TENM2: variants seen among roughly 807,000 people sequenced by gnomAD.
TENM2 encodes the protein teneurin transmembrane protein 2.
A neutral mutation model predicts 245.2 loss-of-function variants in TENM2; 52 were observed. The observed-to-expected ratio is 0.21, with a 90% CI of 0.17 to 0.27. The LOEUF (loss-of-function observed/expected upper bound fraction) is 0.27. Among genes scored for constraint, TENM2 ranks in the 10% least tolerant of loss-of-function variants. TENM2 has a pLI of 1.00. For synonymous variants in TENM2, 1,363 were observed against 1,438.9 expected (o/e 0.95, Z 1.19); for missense variants, 3,046 against 3,666.8 (o/e 0.83, Z 4.37).
intron 2 of TENM2, among the ~76,000 whole-genome samples, chr5:167,721,086 C>T (rs1759597152): frequency 6.6e-6 from 1 of 152,072 alleles, no homozygotes; most frequent in Non-Finnish European, 1.5e-5. Flanking sequence ...CTCTTTTGAT[C>T]CTACTTACTA....
chr5:167,894,967 AAGGAAG>A (rs1561906663), intron 3 of TENM2, among the ~76,000 whole-genome samples: 1 of 131,152 alleles, frequency 7.6e-6, no homozygotes, highest in Non-Finnish European at 1.6e-5. Flanking sequence ...GGAAGGAAGG[AAGGAAG>A]GAAGGAAGGA....
the TENM2 span, among the ~76,000 whole-genome samples, chr5:167,106,007 G>C: frequency 2.0e-5 from 3 of 147,624 alleles, no homozygotes; most frequent in African/African-American, 7.6e-5. Flanking sequence ...AAAATGATGT[G>C]AATCGACAGA....
Position 167,493,921 on chromosome 5 carries a change from G to A in TENM2, c.502+118448G>A, listed in dbSNP as rs549780068. On this transcript the variant is annotated intron_variant, in intron 2 of 28. Coordinates refer to ENST00000518659, the Ensembl canonical transcript of TENM2. ...AGAGTGGCATGGGTGTAGCATGTGC[G>A]GTCAGGACCCACCTGGCTAAGGGGA... 6.6e-5 allele frequency among the ~76,000 whole-genome samples: 10 copies of A among 152,128 alleles called. No homozygotes were observed. The East Asian group carries it at 7.7e-4, about 12-fold the overall frequency.
the TENM2 span, among the ~76,000 whole-genome samples, chr5:167,207,116 G>A: frequency 2.0e-5 from 3 of 151,992 alleles, no homozygotes; most frequent in African/African-American, 7.2e-5. Context: ...GTGAGTTTGA[G>A]TGATTTCCAA....
chr5:167,687,666 A>T (rs916497214), intron 2 of TENM2, among the ~76,000 whole-genome samples: 9 of 150,628 alleles, frequency 6.0e-5, no homozygotes, highest in African/African-American at 2.2e-4. Context: ...TTTAAAACTT[A>T]AAAAAAAAAT....
chr5:167,211,602 C>G, the TENM2 span, among the ~76,000 whole-genome samples: 1 of 152,120 alleles, frequency 6.6e-6, no homozygotes, highest in East Asian at 1.9e-4. Flanking sequence ...CTGGCAAGCA[C>G]CAGTGATAAG....
intron 1 of TENM2, among the ~76,000 whole-genome samples, chr5:167,345,964 TA>T (rs1490697285): frequency 6.0e-5 from 9 of 150,190 alleles, no homozygotes; most frequent in Non-Finnish European, 1.2e-4. Flanking sequence ...ATCTGGTCCC[TA>T]AATAAATTCT....
At chr5:168,027,564 G>A (rs1389228189) in intron 5 of TENM2, among the ~76,000 whole-genome samples, 3 of 152,182 alleles carry the variant, frequency 2.0e-5, no homozygotes. Flanking sequence ...CTGGTGCCAT[G>A]TTCTGGGCCA....
At position 168,107,533 on chromosome 5, in the gene TENM2, G is replaced by A. The variant is rs891494186; in HGVS notation, c.1813+9406G>A. ...GTAGGACTGGTGTGCAGCTCAGGAA[G>A]ACCCCTTTTTAGCAAGCCTCCTGGG... On this transcript the variant is annotated intron_variant, in intron 9 of 28. Coordinates refer to ENST00000518659, the Ensembl canonical transcript of TENM2. 2.2e-5 allele frequency among the ~76,000 whole-genome samples: 3 copies of A among 138,950 alleles called. No individual in the cohort carries two copies. The Admixed American group carries it at 2.4e-4, about 11-fold the overall frequency. 91.2% of individuals were successfully genotyped at this position (138,950 alleles called of 152,430 possible). A position where few individuals can be genotyped will look rare whatever the true frequency, so the allele number is the denominator to read the frequency against.
intron 2 of TENM2, among the ~76,000 whole-genome samples, chr5:167,671,470 C>T (rs1755938488): frequency 6.6e-6 from 1 of 152,068 alleles, no homozygotes; most frequent in African/African-American, 2.4e-5. Context: ...CTGGGCCCCA[C>T]TGCAAGACTC....
intron 2 of TENM2, among the ~76,000 whole-genome samples, chr5:167,823,005 A>G (rs147902365): frequency 3.3e-5 from 5 of 152,274 alleles, no homozygotes; most frequent in Non-Finnish European, 7.4e-5. Context: ...AGATCTTTGG[A>G]AAAAAATAGG....
At chr5:167,214,961 T>C in the TENM2 span, among the ~76,000 whole-genome samples, 2 of 152,200 alleles carry the variant, frequency 1.3e-5, no homozygotes, top group Non-Finnish European at 2.9e-5. Context: ...TTACCTACCA[T>C]CCCTTCCGAA....
intron 25 of TENM2, among the ~76,000 whole-genome samples, chr5:168,240,568 A>G (rs771372730): frequency 1.3e-5 from 2 of 152,194 alleles, no homozygotes; most frequent in Non-Finnish European, 2.9e-5. Context: ...AATGCTGAGA[A>G]TAACACTCAG....
At chr5:167,293,217 T>A (rs1416697408) in intron 1 of TENM2, among the ~76,000 whole-genome samples, 1 of 152,034 alleles carries the variant, frequency 6.6e-6, no homozygotes, top group African/African-American at 2.4e-5. Context: ...TTTGTTTGTT[T>A]TAAGGCAGAG....
chr5:167,165,135 A>G, the TENM2 span: 4 of 152,198 alleles, frequency 2.6e-5, no homozygotes, highest in Admixed American at 6.5e-5. Context: ...TAGTCTGAGT[A>G]GGCTGCAGCT....
chr5:167,513,001 G>A (rs1325265574), intron 2 of TENM2, among the ~76,000 whole-genome samples: 4 of 152,102 alleles, frequency 2.6e-5, no homozygotes, highest in Non-Finnish European at 4.4e-5. Context: ...AAAGAAAATG[G>A]GACTAAGTGT....
chr5:166,984,460 T>G, the TENM2 span, among the ~76,000 whole-genome samples: 1 of 151,792 alleles, frequency 6.6e-6, no homozygotes, highest in Admixed American at 6.6e-5. Context: ...CTACTTCAAT[T>G]AGAAGAATAA....
chr5:166,995,537 G>A, the TENM2 span, among the ~76,000 whole-genome samples: 2 of 152,110 alleles, frequency 1.3e-5, no homozygotes, highest in African/African-American at 4.8e-5. Context: ...CACCGCGCCC[G>A]GCCACATGTG....
At chr5:167,872,540 GAA>G (rs774027523) in intron 2 of TENM2, among the ~76,000 whole-genome samples, 115 of 49,862 alleles carry the variant, frequency 2.3e-3, no homozygotes, top group Middle Eastern at 9.1e-3. Context: ...AAGAAAGAAA[GAA>G]AGAAAGAGAA....
Sources: allele counts gnomAD v4.1 joint callset (sites outside exome capture counted in the v4.1 genomes callset), GRCh38; gene constraint gnomAD v4.1.1; transcripts MANE v1.5; gene names NCBI Gene and HGNC (gene_info 2026-07-23, HGNC 2026-07-21).